Variants in SCARA3 observed in about 807,000 individuals in gnomAD.
SCARA3 encodes cellular stress response gene protein.
Under a neutral mutation model 47.0 loss-of-function variants are expected in SCARA3, and 39 were observed. The ratio of observed to expected loss-of-function variants is 0.83; its 90% confidence interval spans 0.64 to 1.08. SCARA3 has a LOEUF of 1.08. SCARA3 is among the 50% of genes least tolerant of loss of function. SCARA3 has a pLI of 0.00. For missense variants in SCARA3, 724 were observed against 792.3 expected (o/e 0.91, Z 1.04); for synonymous variants, 356 against 334.1 (o/e 1.07, Z -0.71).
the SCARA3 span, among the ~76,000 whole-genome samples, chr8:27,714,971 G>T: frequency 6.6e-6 from 1 of 152,054 alleles, no homozygotes; most frequent in East Asian, 1.9e-4. Context: ...CCAGTCTGGA[G>T]TGCAGTGGCA....
chr8:27,715,818 G>GATGACAGGT, the SCARA3 span, among the ~76,000 whole-genome samples: 2 of 138,126 alleles, frequency 1.4e-5, no homozygotes, highest in African/African-American at 5.3e-5. This position sits in a 1 kb window ranked among gnomAD's most constrained non-coding sequence, Gnocchi z 4.2. Context: ...TAGATAGATA[G>GATGACAGGT]ATAGATGATA....
chr8:27,712,285 C>T, the SCARA3 span, among the ~76,000 whole-genome samples: 1 of 152,130 alleles, frequency 6.6e-6, no homozygotes, highest in Non-Finnish European at 1.5e-5. Context: ...TCCATGTGGC[C>T]GGGCGCGGTG....
chr8:27,722,778 T>A, the SCARA3 span, among the ~76,000 whole-genome samples: 16 of 152,196 alleles, frequency 1.1e-4, no homozygotes, highest in Non-Finnish European at 2.9e-5. Flanking sequence ...AAACCACGCC[T>A]TGTTTTCTGC....
chr8:27,728,694 C>T, the SCARA3 span, among the ~76,000 whole-genome samples: 3 of 152,200 alleles, frequency 2.0e-5, no homozygotes, highest in Non-Finnish European at 1.5e-5. Context: ...ATGAGAAGAA[C>T]TTTTCATATG....
intron 1 of SCARA3, among the ~76,000 whole-genome samples, chr8:27,639,823 A>T (rs1801344853): frequency 6.6e-6 from 1 of 152,170 alleles, no homozygotes; most frequent in Non-Finnish European, 1.5e-5. Context: ...GAGAGGAGAA[A>T]GTTCCAAGGG....
rs3735752 is a variant in SCARA3, at chr8:27,672,963, T to C, written c.*1612T>C. The C allele has an allele frequency of 7.4e-4, 731 of 985,470 alleles. 21 individuals carry two copies. In the East Asian group the frequency reaches 0.053, roughly 72 times the overall value. The allele number at this position is 985,470 out of a possible 1,614,324, so 61.0% of individuals were successfully genotyped here. ...CGGCCATGTAACTCTCCTGTCCACA[T>C]ATGATAATACCATTCTGCATAGTAT... is the stretch of plus-strand genomic sequence containing the variant. On this transcript the variant is annotated 3_prime_UTR_variant, in exon 6 of 6. Transcript: ENST00000301904.
rs1046964884 is a variant in SCARA3, at chr8:27,672,106, A to G, written c.*755A>G. 2.2e-5 allele frequency: 22 copies of G among 985,290 alleles called. No homozygotes were observed. The highest frequency in any genetic ancestry group is 2.4e-5 in the Non-Finnish European group (20 of 829,966). The allele number at this position is 985,290 out of a possible 1,614,324, so 61.0% of individuals were successfully genotyped here. On this transcript the variant is annotated 3_prime_UTR_variant, in exon 6 of 6. Coordinates refer to ENST00000301904, the MANE Select transcript of SCARA3 (RefSeq NM_016240.3). ...CTGGCAACCACAAGACCCTCCCCAT[A>G]AGCAGGGGACCAGCATACCCGGGAG... is the stretch of plus-strand genomic sequence containing the variant.
At chr8:27,705,328 G>T in the SCARA3 span, among the ~76,000 whole-genome samples, 7 of 152,220 alleles carry the variant, frequency 4.6e-5, no homozygotes, top group African/African-American at 1.7e-4. Flanking sequence ...CGGGACCTTG[G>T]CAGACCCAAG....
the SCARA3 span, among the ~76,000 whole-genome samples, chr8:27,726,784 T>C: frequency 2.0e-5 from 3 of 152,200 alleles, no homozygotes; most frequent in South Asian, 2.1e-4. Context: ...TGACAGTATT[T>C]ATTTATTTAT....
chr8:27,726,876 C>G, the SCARA3 span, among the ~76,000 whole-genome samples: 1 of 151,958 alleles, frequency 6.6e-6, no homozygotes, highest in African/African-American at 2.4e-5. Flanking sequence ...ACCTCTGCCT[C>G]CCAGGTTCAA....
At chr8:27,698,251 C>G in the SCARA3 span, among the ~76,000 whole-genome samples, 3 of 146,446 alleles carry the variant, frequency 2.0e-5, no homozygotes, top group Admixed American at 7.0e-5. Context: ...TAAATTAGAA[C>G]GTAAATATTA....
rs1324269120 is a variant in SCARA3, at chr8:27,670,972, G to A, written c.1442G>A (p.Gly481Asp). Residue 481 changes from glycine to aspartate, a missense_variant, in exon 6 of 6, where the codon GGC (glycine) becomes GAC (aspartate). Physicochemically the swap from Gly to Asp is moderately conservative, Grantham distance 94. Transcript: ENST00000301904. Reference sequence around the variant, plus strand: ...GTGAAAGGGCCTGTTGGCGGCAGAGGCCCGAAAGGAGACCCCGGCAGCTTG... The same window carrying A: ...GTGAAAGGGCCTGTTGGCGGCAGAGACCCGAAAGGAGACCCCGGCAGCTTG... ...MGVKGPVGGR[G>D]PKGDPGSLGP... 2 of 1,605,128 alleles carry A rather than the reference G, an allele frequency of 1.2e-6. No individual in the cohort carries two copies. The highest frequency in any genetic ancestry group is 2.2e-5 in the South Asian group (2 of 89,990).
intron 2 of SCARA3, 136 bp from the exon 3 acceptor site, chr8:27,651,372 G>A (rs912824914): frequency 3.8e-6 from 4 of 1,039,618 alleles, no homozygotes; most frequent in East Asian, 2.6e-5. Context: ...GGTAGAGAAT[G>A]AGGGTCGAGA....
chr8:27,654,789 C>CAAAAA (rs539914704), intron 3 of SCARA3, among the ~76,000 whole-genome samples: 3 of 85,942 alleles, frequency 3.5e-5, no homozygotes, highest in Non-Finnish European at 4.9e-5. Context: ...GACTGTCTCA[C>CAAAAA]AAAAAAAAAA....
the SCARA3 span, among the ~76,000 whole-genome samples, chr8:27,727,977 T>C: frequency 6.6e-6 from 1 of 152,182 alleles, no homozygotes; most frequent in African/African-American, 2.4e-5. Flanking sequence ...TGAGGAGCCT[T>C]CTGGAACTTG....
At chr8:27,729,402 C>G in the SCARA3 span, among the ~76,000 whole-genome samples, 8 of 152,184 alleles carry the variant, frequency 5.3e-5, no homozygotes, top group Non-Finnish European at 1.2e-4. Context: ...CCCTGCAGCA[C>G]CAGAATGTAC....
the SCARA3 span, among the ~76,000 whole-genome samples, chr8:27,691,516 T>A: frequency 6.6e-6 from 1 of 152,088 alleles, no homozygotes; most frequent in African/African-American, 2.4e-5. Flanking sequence ...GCAGCCCCTG[T>A]GGAGCCAAGG....
chr8:27,723,838 C>T, the SCARA3 span, among the ~76,000 whole-genome samples: 2 of 152,302 alleles, frequency 1.3e-5, no homozygotes, highest in Non-Finnish European at 1.5e-5. Flanking sequence ...TAGGTTCAAA[C>T]GAGTCTCCGA....
At chr8:27,696,137 G>C in the SCARA3 span, among the ~76,000 whole-genome samples, 2 of 151,782 alleles carry the variant, frequency 1.3e-5, no homozygotes, top group African/African-American at 4.8e-5. Flanking sequence ...AGCCTCCCAA[G>C]TAGCTGGGAC....
Sources: allele counts gnomAD v4.1 joint callset (sites outside exome capture counted in the v4.1 genomes callset), GRCh38; gene constraint gnomAD v4.1.1; non-coding constraint Gnocchi (gnomAD v3.1); transcripts MANE v1.5; gene names NCBI Gene and HGNC (gene_info 2026-07-23, HGNC 2026-07-21).